Variants in NTAQ1 observed in about 807,000 individuals in gnomAD.
NTAQ1 encodes the protein N-terminal glutamine amidase 1.
A neutral mutation model predicts 28.2 loss-of-function variants in NTAQ1; 21 were observed. The ratio of observed to expected loss-of-function variants is 0.74; its 90% confidence interval spans 0.53 to 1.07. The LOEUF (loss-of-function observed/expected upper bound fraction) is 1.07. Among genes scored for constraint, NTAQ1 ranks in the 50% least tolerant of loss-of-function variants. The pLI, the probability that NTAQ1 is intolerant of heterozygous loss-of-function variation, is 0.00. For synonymous variants in NTAQ1, 105 were observed against 90.0 expected, an observed-to-expected ratio of 1.17 and a Z score of -0.94; for missense variants, 264 against 256.6, an observed-to-expected ratio of 1.03 and a Z score of -0.20.
chr8:123,448,707 G>A (rs1489902239), downstream of NTAQ1, among the ~76,000 whole-genome samples: 1 of 152,182 alleles, frequency 6.6e-6, no homozygotes, highest in Non-Finnish European at 1.5e-5. Flanking sequence ...TGGAATTACT[G>A]CCCTTCCCAG....
intron 6 of NTAQ1, chr8:123,455,252 C>T (rs2130394468): frequency 6.6e-6 from 1 of 152,368 alleles, no homozygotes; most frequent in African/African-American, 2.4e-5. Flanking sequence ...ACCTCCGTCC[C>T]TGCCGCCATG....
At chr8:123,461,174 A>G (rs1815813030) in intron 6 of NTAQ1, among the ~76,000 whole-genome samples, 1 of 152,156 alleles carries the variant, frequency 6.6e-6, no homozygotes, top group African/African-American at 2.4e-5. Context: ...GAGTAGGTGG[A>G]TAAGTGGCTT....
chr8:123,426,257 G>A (rs544060998), intron 1 of NTAQ1, among the ~76,000 whole-genome samples: 1 of 152,164 alleles, frequency 6.6e-6, no homozygotes, highest in Non-Finnish European at 1.5e-5. Context: ...ACTTAGGTGG[G>A]TTCTGACTAC....
In NTAQ1 at chr8:123,416,895, C is replaced by T. The variant is rs1275464294; in HGVS notation, c.46C>T (p.Pro16Ser). 1.8e-5 allele frequency: 27 copies of T among 1,526,538 alleles called. 1 individual carries two copies. The highest frequency in any genetic ancestry group is 2.2e-5 in the Non-Finnish European group (25 of 1,137,736). The allele number at this position is 1,526,538 out of a possible 1,614,324, so 94.6% of individuals were successfully genotyped here. A position where few individuals can be genotyped will look rare whatever the true frequency, so the allele number is the denominator to read the frequency against. The change falls in exon 1 of 6, where the codon CCC (proline) becomes TCC (serine). Residue 16 changes from proline to serine, a missense_variant. By Grantham distance (74) the Pro-to-Ser change is moderately conservative. Coordinates refer to ENST00000287387, the MANE Select transcript of NTAQ1 (RefSeq NM_018024.3). ...PAAVHYQPAS[P>S]PRDACVYSSC... ...TGCTGTCCACTACCAGCCGGCCAGC[C>T]CCCCGCGGGACGCCTGCGTCTACAG...
chr8:123,431,032 A>T (rs1011755673), intron 3 of NTAQ1, among the ~76,000 whole-genome samples: 2 of 152,024 alleles, frequency 1.3e-5, no homozygotes, highest in Non-Finnish European at 2.9e-5. Context: ...ACCTTAACCC[A>T]TTCCCCTAAA....
downstream of NTAQ1, among the ~76,000 whole-genome samples, chr8:123,446,322 T>TAG (rs1163415791): frequency 6.6e-6 from 1 of 152,204 alleles, no homozygotes; most frequent in Non-Finnish European, 1.5e-5. Flanking sequence ...CTTCTTTTTC[T>TAG]AGAGCAGGAG....
chr8:123,434,626 AAAC>A (rs937674827), intron 3 of NTAQ1, among the ~76,000 whole-genome samples: 8 of 152,282 alleles, frequency 5.3e-5, no homozygotes, highest in African/African-American at 1.2e-4. Flanking sequence ...CTCTGTCTCA[AAAC>A]AACAACAACA....
chr8:123,444,744 C>T (rs749002639), downstream of NTAQ1, among the ~76,000 whole-genome samples: 2 of 152,096 alleles, frequency 1.3e-5, no homozygotes, highest in African/African-American at 4.8e-5. Context: ...CTTCTGCCCT[C>T]GTGATCCACT....
At chr8:123,440,519 A>G (rs1156336643) in intron 5 of NTAQ1, among the ~76,000 whole-genome samples, 1 of 102,114 alleles carries the variant, frequency 9.8e-6, no homozygotes, top group Non-Finnish European at 1.9e-5. Flanking sequence ...TTTTTTTTTT[A>G]GACAAAGCCT....
chr8:123,423,181 C>T (rs1813815048), intron 1 of NTAQ1, among the ~76,000 whole-genome samples: 1 of 151,958 alleles, frequency 6.6e-6, no homozygotes, highest in African/African-American at 2.4e-5. Flanking sequence ...AATTCTTCCA[C>T]AACTCGCTTG....
downstream of NTAQ1, among the ~76,000 whole-genome samples, chr8:123,444,866 C>T (rs1461645520): frequency 6.6e-6 from 1 of 152,070 alleles, no homozygotes; most frequent in Non-Finnish European, 1.5e-5. Context: ...TCTCTGAGAA[C>T]CTGACACACC....
chr8:123,452,228 C>T (rs1815518665), downstream of NTAQ1, among the ~76,000 whole-genome samples: 1 of 152,210 alleles, frequency 6.6e-6, no homozygotes, highest in South Asian at 2.1e-4. Context: ...GTCTTTTACC[C>T]TGGCAGTCCA....
intron 3 of NTAQ1, among the ~76,000 whole-genome samples, chr8:123,430,742 CTG>C (rs1458906165): frequency 6.6e-6 from 1 of 152,076 alleles, no homozygotes; most frequent in Non-Finnish European, 1.5e-5. Context: ...GATTGCTTCA[CTG>C]TACTCCAGCT....
chr8:123,451,416 G>A (rs1815488214), downstream of NTAQ1, among the ~76,000 whole-genome samples: 2 of 152,290 alleles, frequency 1.3e-5, no homozygotes, highest in Non-Finnish European at 2.9e-5. Flanking sequence ...TTGACTAACT[G>A]CAGCCTCCGC....
chr8:123,470,442 C>T (rs897740590), downstream of NTAQ1, among the ~76,000 whole-genome samples: 4 of 152,190 alleles, frequency 2.6e-5, no homozygotes, highest in African/African-American at 4.8e-5. Flanking sequence ...GCCCTACAGG[C>T]TGAGGGTTAC....
chr8:123,420,878 C>T (rs1325086053), intron 1 of NTAQ1, among the ~76,000 whole-genome samples: 1 of 151,974 alleles, frequency 6.6e-6, no homozygotes, highest in Non-Finnish European at 1.5e-5. Flanking sequence ...CAACCTCCGC[C>T]TCCTGGGTTC....
chr8:123,472,284 G>A (rs913917003), downstream of NTAQ1, among the ~76,000 whole-genome samples: 5 of 152,136 alleles, frequency 3.3e-5, no homozygotes, highest in Non-Finnish European at 5.9e-5. Flanking sequence ...TGGCTCATGG[G>A]TTATTAATTG....
downstream of NTAQ1, among the ~76,000 whole-genome samples, chr8:123,442,467 G>A (rs1163999329): frequency 4.6e-5 from 7 of 151,458 alleles, no homozygotes; most frequent in African/African-American, 1.2e-4. Flanking sequence ...GTGTGGTGGC[G>A]GGCGCCTGTA....
intron 1 of NTAQ1, among the ~76,000 whole-genome samples, chr8:123,422,122 G>C (rs957688927): frequency 9.2e-5 from 14 of 151,612 alleles, no homozygotes; most frequent in Non-Finnish European, 1.5e-4. Flanking sequence ...ATCTGCTTTT[G>C]AGAAGAAGTA....
Sources: allele counts gnomAD v4.1 joint callset (sites outside exome capture counted in the v4.1 genomes callset), GRCh38; gene constraint gnomAD v4.1.1; transcripts MANE v1.5; gene names NCBI Gene and HGNC (gene_info 2026-07-23, HGNC 2026-07-21).